The following SIPA1L3 variants were observed in gnomAD, a reference collection of about 807,000 sequenced individuals.
The protein encoded by SIPA1L3 is signal induced proliferation associated 1 like 3, also known as signal-induced proliferation-associated 1-like protein 3.
In SIPA1L3, 59 loss-of-function variants were observed where a neutral mutation model predicts 150.1. That is an observed-to-expected ratio of 0.39 (90% CI 0.32 to 0.49). The LOEUF is 0.49. Ranked by LOEUF, SIPA1L3 falls within the 20% of genes least tolerant of loss-of-function variation. SIPA1L3 has a pLI of 0.86. For synonymous variants in SIPA1L3, 1,070 were observed against 1,077.6 expected, an observed-to-expected ratio of 0.99 and a Z score of 0.14; for missense variants, 2,211 against 2,489.5, an observed-to-expected ratio of 0.89 and a Z score of 2.38.
chr19:38,066,882 G>A (rs1243555970), intron 2 of SIPA1L3, among the ~76,000 whole-genome samples: 2 of 152,006 alleles, frequency 1.3e-5, no homozygotes, highest in Non-Finnish European at 2.9e-5. Flanking sequence ...AAATGTTGAT[G>A]CATAATTCCA....
chr19:38,117,992 G>C (rs1027456890), intron 8 of SIPA1L3, among the ~76,000 whole-genome samples: 2 of 152,064 alleles, frequency 1.3e-5, no homozygotes, highest in African/African-American at 4.8e-5. Context: ...ATCAGATTTT[G>C]ATAGCGCCTC....
chr19:38,187,007 CA>C (rs1046528016), intron 16 of SIPA1L3, among the ~76,000 whole-genome samples: 7,408 of 80,254 alleles, frequency 0.092, 588 homozygotes, highest in African/African-American at 0.26. Flanking sequence ...AACTCTGTCT[CA>C]AAAAAAAAAA....
chr19:38,062,273 G>A (rs1051412896), intron 2 of SIPA1L3, among the ~76,000 whole-genome samples: 11 of 152,114 alleles, frequency 7.2e-5, no homozygotes, highest in Non-Finnish European at 1.2e-4. Context: ...TAAGTGCCCC[G>A]GTGTTCATGG....
At chr19:38,155,619 C>T (rs918683573) in intron 13 of SIPA1L3, among the ~76,000 whole-genome samples, 13 of 152,110 alleles carry the variant, frequency 8.5e-5, no homozygotes, top group African/African-American at 2.4e-4. Context: ...AAAGCAGTGA[C>T]GTCAGAGTGG....
chr19:38,002,043 C>T (rs976095514), intron 1 of SIPA1L3, among the ~76,000 whole-genome samples: 6 of 152,200 alleles, frequency 3.9e-5, no homozygotes, highest in Non-Finnish European at 8.8e-5. Flanking sequence ...TGCCCAGTTA[C>T]ATTACTGATA....
chr19:38,197,336 G>T (rs1972982445), intron 18 of SIPA1L3, among the ~76,000 whole-genome samples: 1 of 152,092 alleles, frequency 6.6e-6, no homozygotes, highest in Non-Finnish European at 1.5e-5. Context: ...CAGAGCCCCA[G>T]GCCAGAGCCC....
At chr19:38,096,981 G>A (rs578090039) in intron 4 of SIPA1L3, among the ~76,000 whole-genome samples, 3 of 152,164 alleles carry the variant, frequency 2.0e-5, no homozygotes, top group East Asian at 3.8e-4. Context: ...GGAGTAAAAC[G>A]TCAGCCTCTC....
At chr19:37,994,194 G>C (rs1198385142) in intron 1 of SIPA1L3, among the ~76,000 whole-genome samples, 17 of 152,200 alleles carry the variant, frequency 1.1e-4, no homozygotes, top group Non-Finnish European at 1.5e-5. Context: ...GAGCCATCAT[G>C]CCTGGCCGGG....
chr19:37,917,448 G>T (rs766022993), intron 1 of SIPA1L3, among the ~76,000 whole-genome samples: 1 of 152,160 alleles, frequency 6.6e-6, no homozygotes, highest in Admixed American at 6.6e-5. Context: ...TATGTGCCTG[G>T]CACTGTGCTT....
intron 1 of SIPA1L3, among the ~76,000 whole-genome samples, chr19:37,969,070 T>TA (rs979791156): frequency 4.6e-5 from 7 of 152,102 alleles, no homozygotes; most frequent in African/African-American, 1.7e-4. Context: ...GTGCTTAAAA[T>TA]AACTTTCAAA....
rs766477420 is a variant in SIPA1L3, at chr19:38,082,654, G to T, written c.1089G>T (p.Ser363=). Residue 363 remains serine, a synonymous_variant, in exon 3 of 22, where the codon TCG becomes TCT. Transcript: ENST00000222345. ...CGGCCGCCAACAGGGTGTCGGTGTCGCAGCGGCGGAACACCACCACGGGTG... is the reference window on the plus strand; with the variant it reads ...CGGCCGCCAACAGGGTGTCGGTGTCTCAGCGGCGGAACACCACCACGGGTG... The part of the protein sequence containing the change: ...NEAAANRVSV[S]QRRNTTTGAS... 4 of 1,607,036 alleles carry T rather than the reference G, an allele frequency of 2.5e-6. No individual in the cohort carries two copies. Among genetic ancestry groups the T allele is most frequent in the Non-Finnish European group, 3.4e-6 (4 of 1,179,650 alleles).
At chr19:38,181,899 C>T (rs1320084237) in intron 15 of SIPA1L3, among the ~76,000 whole-genome samples, 1 of 150,308 alleles carries the variant, frequency 6.7e-6, no homozygotes, top group Non-Finnish European at 1.5e-5. Flanking sequence ...ATCCTGTAAT[C>T]CCAACACTTT....
intron 1 of SIPA1L3, among the ~76,000 whole-genome samples, chr19:38,028,263 C>T (rs1331388013): frequency 6.6e-6 from 1 of 152,180 alleles, no homozygotes; most frequent in African/African-American, 2.4e-5. Context: ...CATTCCTCTG[C>T]TCACAGTTGT....
At chr19:37,933,439 C>T (rs914374401) in intron 1 of SIPA1L3, among the ~76,000 whole-genome samples, 19 of 152,142 alleles carry the variant, frequency 1.2e-4, no homozygotes, top group Non-Finnish European at 2.5e-4. Context: ...GCATTTACTT[C>T]CACTTGACAT....
intron 4 of SIPA1L3, among the ~76,000 whole-genome samples, chr19:38,091,979 GCT>G (rs1441352776): frequency 4.6e-5 from 7 of 150,756 alleles, no homozygotes; most frequent in Non-Finnish European, 8.8e-5. Flanking sequence ...CAGGAGAATC[GCT>G]TGAACCTGAG....
chr19:38,067,771 A>G (rs1449647888), intron 2 of SIPA1L3, among the ~76,000 whole-genome samples: 2 of 150,138 alleles, frequency 1.3e-5, no homozygotes, highest in Non-Finnish European at 3.0e-5. Context: ...GAAAAAAAAA[A>G]AAAGAAAGAA....
chr19:37,955,496 A>G (rs1183016561), intron 1 of SIPA1L3, among the ~76,000 whole-genome samples: 3 of 152,168 alleles, frequency 2.0e-5, no homozygotes. Context: ...CCACCCCAAA[A>G]GATATCCATC....
At chr19:38,048,830 C>G (rs1002670191) in intron 2 of SIPA1L3, among the ~76,000 whole-genome samples, 1 of 152,198 alleles carries the variant, frequency 6.6e-6, no homozygotes, top group Non-Finnish European at 1.5e-5. Flanking sequence ...GTGGCTCACA[C>G]CTGTAATCCC....
chr19:37,939,494 C>G (rs2046633219), intron 1 of SIPA1L3, among the ~76,000 whole-genome samples: 1 of 151,692 alleles, frequency 6.6e-6, no homozygotes, highest in Non-Finnish European at 1.5e-5. Context: ...TTATTTCTCT[C>G]TCACGTAAAG....
Sources: gnomAD v4.1 joint callset for allele counts (sites outside exome capture counted in the v4.1 genomes callset) on GRCh38, gnomAD v4.1.1 for gene constraint, MANE v1.5 for transcripts, NCBI Gene and HGNC (gene_info 2026-07-23, HGNC 2026-07-21) for gene names.